The following TTLL7 variants were observed in gnomAD, a reference collection of about 807,000 sequenced individuals.
The protein encoded by TTLL7 is tubulin tyrosine ligase like 7.
Under a neutral mutation model 120.2 loss-of-function variants are expected in TTLL7, and 53 were observed. That is an observed-to-expected ratio of 0.44 (90% CI 0.35 to 0.55). The LOEUF is 0.55. Ranked by LOEUF, TTLL7 falls within the 20% of genes least tolerant of loss-of-function variation. TTLL7 has a pLI of 0.00. For synonymous variants in TTLL7, 353 were observed against 351.7 expected (o/e 1.00, Z -0.04); for missense variants, 803 against 1,054.7 (o/e 0.76, Z 3.31).
chr1:83,946,343 G>C (rs1353194162), intron 6 of TTLL7: 1 of 152,092 alleles, frequency 6.6e-6, no homozygotes, highest in Non-Finnish European at 1.5e-5. Flanking sequence ...GAGCCACCAC[G>C]CCCGGCCAAG....
intron 9 of TTLL7, 63 bp from the exon 10 acceptor site, chr1:83,929,293 C>A (rs1453301986): frequency 4.7e-6 from 6 of 1,263,886 alleles, no homozygotes; most frequent in Non-Finnish European, 6.8e-6. Context: ...ATTTGTTAAT[C>A]CAATGTGGGA....
chr1:83,917,308 T>A (rs917315987), intron 14 of TTLL7, among the ~76,000 whole-genome samples: 1 of 152,182 alleles, frequency 6.6e-6, no homozygotes, highest in African/African-American at 2.4e-5. Flanking sequence ...TCTAGAGGTA[T>A]GAGGCAAACT....
chr1:83,961,703 A>G (rs751570915), intron 1 of TTLL7, among the ~76,000 whole-genome samples: 5 of 152,144 alleles, frequency 3.3e-5, no homozygotes, highest in Non-Finnish European at 7.4e-5. Context: ...CAAGCACTTA[A>G]GTAGAATCAA....
At chr1:83,963,483 A>G (rs1650188522) in intron 1 of TTLL7, among the ~76,000 whole-genome samples, 1 of 152,052 alleles carries the variant, frequency 6.6e-6, no homozygotes, top group Non-Finnish European at 1.5e-5. Context: ...AAAAAAAAAA[A>G]TTCATGTTTT....
chr1:83,888,641 T>C (rs1655171349), intron 19 of TTLL7, among the ~76,000 whole-genome samples: 1 of 151,930 alleles, frequency 6.6e-6, no homozygotes, highest in African/African-American at 2.4e-5. Context: ...AGCCATCTAA[T>C]CAGATATTAA....
intron 1 of TTLL7, among the ~76,000 whole-genome samples, chr1:83,983,335 C>CAAAT (rs202059861): frequency 0.015 from 2,226 of 151,862 alleles, 46 homozygotes; most frequent in African/African-American, 0.05. Flanking sequence ...GTCTCAAAAA[C>CAAAT]AAATAAATAA....
chr1:83,872,960 A>C (rs1653574231), intron 20 of TTLL7, among the ~76,000 whole-genome samples: 1 of 152,194 alleles, frequency 6.6e-6, no homozygotes, highest in African/African-American at 2.4e-5. Context: ...AAATCCATAC[A>C]GGCTAGCTCC....
chr1:83,981,725 A>G (rs2100607462), intron 1 of TTLL7, among the ~76,000 whole-genome samples: 1 of 151,950 alleles, frequency 6.6e-6, no homozygotes, highest in Non-Finnish European at 1.5e-5. Flanking sequence ...CCCGCTACTC[A>G]GGAGGCTGAG....
At chr1:83,920,995 T>G (rs1333944324) in intron 12 of TTLL7, 92 bp downstream of exon 12, 1 of 1,345,464 alleles carries the variant, frequency 7.4e-7, no homozygotes, top group East Asian at 2.4e-5. Flanking sequence ...GAAAGAAAAA[T>G]GCTTAAAATA....
intron 1 of TTLL7, among the ~76,000 whole-genome samples, chr1:83,974,002 G>T (rs926500426): frequency 6.6e-6 from 1 of 151,942 alleles, no homozygotes; most frequent in African/African-American, 2.4e-5. Context: ...GGATCCTGAA[G>T]ATTTTTGCGG....
chr1:83,870,138 T>C (rs1243687253), intron 20 of TTLL7, 56 bp from the exon 21 acceptor site: 2 of 1,479,796 alleles, frequency 1.4e-6, no homozygotes, highest in Admixed American at 5.2e-5. Flanking sequence ...ACTAACTCAC[T>C]AAAGGGTTAT....
rs904129550 is a variant in TTLL7 at position 83,947,017 on chromosome 1, G to A, written c.506+107C>T. The stretch of plus-strand genomic sequence containing the variant: ...ACTACAATAGTTAGAAACCTATTTC[G>A]TTATTTTTTCATATTGGTACTCACG... On this transcript the variant is annotated intron_variant, in intron 6 of 20. Coordinates refer to ENST00000260505, the MANE Select transcript of TTLL7 (RefSeq NM_024686.6). The A allele has an allele frequency of 3.5e-4, 307 of 866,168 alleles. 1 individual carries two copies. Among genetic ancestry groups the A allele is most frequent in the Middle Eastern group, 1.1e-3 (3 of 2,662 alleles). 53.7% of individuals were successfully genotyped at this position (866,168 alleles called of 1,614,324 possible).
In TTLL7 at chr1:83,919,816, T is replaced by C. The variant is rs756189993; in HGVS notation, c.1383A>G (p.Glu461=). Residue 461 remains glutamate, a synonymous_variant, in exon 13 of 21, where the codon GAA becomes GAG. Coordinates refer to ENST00000260505, the MANE Select transcript of TTLL7 (RefSeq NM_024686.6). ...CATACTTTTCAAGTAATGCTTTATC[T>C]TCAGGAGGATAAATTCGTCTACAAC... ...MGNYRRIYPP[E]DKALLEKYEN... is the part of the protein sequence containing the mutation. 13 of 1,610,800 alleles carry C rather than the reference T, an allele frequency of 8.1e-6. No individual in the cohort carries two copies. Among genetic ancestry groups the C allele is most frequent in the Non-Finnish European group, 1.1e-5 (13 of 1,178,842 alleles).
At chr1:83,975,347 G>A (rs1020562153) in intron 1 of TTLL7, among the ~76,000 whole-genome samples, 6 of 152,024 alleles carry the variant, frequency 3.9e-5, no homozygotes, top group African/African-American at 7.2e-5. Context: ...AGTCAAGTTC[G>A]AGACCCACTG....
At chr1:83,878,287 C>T (rs1654117411) in intron 20 of TTLL7, among the ~76,000 whole-genome samples, 1 of 151,374 alleles carries the variant, frequency 6.6e-6, no homozygotes, top group African/African-American at 2.4e-5. Flanking sequence ...AATACATTTA[C>T]TTCTATATAT....
chr1:83,883,909 A>G (rs759893181), intron 19 of TTLL7, among the ~76,000 whole-genome samples: 3 of 151,986 alleles, frequency 2.0e-5, no homozygotes, highest in Non-Finnish European at 4.4e-5. Context: ...AAGTAATGCT[A>G]TCTTAACAAG....
At chr1:83,963,595 C>T (rs1447565081) in intron 1 of TTLL7, among the ~76,000 whole-genome samples, 2 of 151,928 alleles carry the variant, frequency 1.3e-5, no homozygotes, top group South Asian at 2.1e-4. Flanking sequence ...GCATAAAATG[C>T]CACAACTCAC....
chr1:83,903,063 T>G (rs1473528861), intron 18 of TTLL7, among the ~76,000 whole-genome samples: 2 of 152,010 alleles, frequency 1.3e-5, no homozygotes, highest in African/African-American at 4.8e-5. Flanking sequence ...TCTTAAATTC[T>G]AACAGGCTAT....
At chr1:83,899,493 A>T (rs1656525011) in intron 18 of TTLL7, among the ~76,000 whole-genome samples, 1 of 151,986 alleles carries the variant, frequency 6.6e-6, no homozygotes, top group Non-Finnish European at 1.5e-5. Context: ...AGTTAAGACC[A>T]GCCCTTTCTG....
Sources: allele counts gnomAD v4.1 joint callset (sites outside exome capture counted in the v4.1 genomes callset), GRCh38; gene constraint gnomAD v4.1.1; transcripts MANE v1.5; gene names NCBI Gene and HGNC (gene_info 2026-07-23, HGNC 2026-07-21).